IGSF1: variants seen among roughly 807,000 people sequenced by gnomAD.
IGSF1 encodes immunoglobulin-like domain-containing protein 1.
Under a neutral mutation model 95.3 loss-of-function variants are expected in IGSF1, and 40 were observed. The observed-to-expected ratio is 0.42, with a 90% CI of 0.33 to 0.55. IGSF1 has a LOEUF of 0.55. Among genes scored for constraint, IGSF1 ranks in the 20% least tolerant of loss-of-function variants. IGSF1 has a pLI of 0.10. For synonymous variants in IGSF1, 372 were observed against 382.9 expected, an observed-to-expected ratio of 0.97 and a Z score of 0.33; for missense variants, 906 against 1,025.4, an observed-to-expected ratio of 0.88 and a Z score of 1.59.
chrX:131,274,568 C>T, intron 18 of IGSF1, 31 bp downstream of exon 18: 1 of 1,191,544 alleles, frequency 8.4e-7, no homozygotes, highest in Non-Finnish European at 1.1e-6. Context: ...AGGTGTGTCA[C>T]ACCAGGACCA....
chrX:131,286,814 A>G, intron 1 of IGSF1, 73 bp from the exon 2 acceptor site: 1 of 454,333 alleles, frequency 2.2e-6, no homozygotes, highest in African/African-American at 2.5e-5. Context: ...GCTAAATTGC[A>G]CTTGACAACC....
intron 9 of IGSF1, among the ~76,000 whole-genome samples, chrX:131,280,610 G>A (rs2080543912): frequency 8.9e-6 from 1 of 112,044 alleles, no homozygotes; most frequent in Admixed American, 9.4e-5. Flanking sequence ...AGGAGAATCT[G>A]TTTGGCCTGT....
intron 1 of IGSF1, 142 bp downstream of exon 1, chrX:131,289,072 G>T: frequency 3.1e-6 from 1 of 320,644 alleles, no homozygotes; most frequent in Non-Finnish European, 6.1e-6. Context: ...GGAATGAAGC[G>T]GGTGGGGGGA....
chrX:131,282,545 A>G lies in IGSF1; in HGVS notation c.1145T>C (p.Val382Ala), dbSNP rs773364771. ...ATAGATGCCAGTATCACTGTAGGTT[A>G]CATTGTTGAGGAAGAATGATGTGTT... ...DDNTSFFLNN[V>A]TYSDTGIYSC... The change falls in exon 7 of 20, where the codon GTA (valine) becomes GCA (alanine). Residue 382 changes from valine to alanine, a missense_variant. Transcript: ENST00000361420. 7 of 1,207,619 alleles carry G rather than the reference A, an allele frequency of 5.8e-6. No individual in the cohort carries two copies. In the East Asian group the frequency reaches 8.9e-5, roughly 15 times the overall value.
At chrX:131,282,944 C>T (rs1189031149) in intron 6 of IGSF1, 36 bp downstream of exon 6, 6 of 1,120,867 alleles carry the variant, frequency 5.4e-6, no homozygotes, top group Admixed American at 2.2e-5. Context: ...TATCCTTAGC[C>T]GTTAACCTAA....
intron 13 of IGSF1, 143 bp from the exon 14 acceptor site, chrX:131,277,369 A>G (rs1338387159): frequency 1.7e-6 from 1 of 580,103 alleles, no homozygotes; most frequent in Non-Finnish European, 2.6e-6. Context: ...TTTAAAAAGT[A>G]AGGTAAATCC....
intron 11 of IGSF1, 98 bp downstream of exon 11, chrX:131,279,045 C>A (rs1371816754): frequency 8.5e-6 from 8 of 944,205 alleles, no homozygotes; most frequent in Non-Finnish European, 7.6e-6. Context: ...CTGCCCTTCC[C>A]TCCCAACCAG....
intron 9 of IGSF1, among the ~76,000 whole-genome samples, chrX:131,279,556 C>G (rs973075945): frequency 2.7e-5 from 3 of 109,412 alleles, no homozygotes; most frequent in African/African-American, 1.0e-4. Flanking sequence ...CCCACGTGTC[C>G]CCCCCGCCCC....
intron 9 of IGSF1, among the ~76,000 whole-genome samples, chrX:131,279,733 G>T (rs1039930697): frequency 9.0e-6 from 1 of 111,466 alleles, no homozygotes; most frequent in Non-Finnish European, 1.9e-5. Flanking sequence ...TGTGGGGGTG[G>T]AGGGAGAAAC....
chrX:131,282,928 G>GAT (rs1229367447), intron 6 of IGSF1, 52 bp downstream of exon 6: 1 of 1,063,908 alleles, frequency 9.4e-7, no homozygotes. Context: ...CACAGAGGGA[G>GAT]ATTTATATCC....
At chrX:131,278,361 C>A in intron 12 of IGSF1, 100 bp downstream of exon 12, 1 of 861,100 alleles carries the variant, frequency 1.2e-6, no homozygotes, top group Non-Finnish European at 1.6e-6. Flanking sequence ...GCCCCTTGGG[C>A]TCCAGGGTCC....
Position 131,285,959 on chromosome X carries a change from G to A in IGSF1, c.187C>T (p.Arg63Trp), listed in dbSNP as rs751377228. 7.4e-6 allele frequency: 9 copies of A among 1,209,052 alleles called. No individual in the cohort carries two copies. Among genetic ancestry groups the A allele is most frequent in the South Asian group, 1.8e-5 (1 of 56,729 alleles). The change falls in exon 4 of 20, where the codon CGG becomes TGG. Residue 63 changes from arginine (R) to tryptophan (W), a missense_variant. By Grantham distance (101) the Arg-to-Trp change is moderately radical. Around this residue, in one of 5 missense-constraint regions of IGSF1, gnomAD observed 442 missense variants for 448.1 expected, o/e 0.99. Coordinates refer to ENST00000361420, the MANE Select transcript of IGSF1 (RefSeq NM_001555.5). ...AGCAGCAGGAACTTGCTTGATATCCGAGAGGGGCTTCGGCACCAAAGCGTG... is the reference window on the plus strand; with the variant it reads ...AGCAGCAGGAACTTGCTTGATATCCAAGAGGGGCTTCGGCACCAAAGCGTG... ...NITLWCRSPS[R>W]ISSKFLLLKD...
chrX:131,277,416 A>G, intron 13 of IGSF1, 190 bp from the exon 14 acceptor site: 1 of 438,532 alleles, frequency 2.3e-6, no homozygotes, highest in East Asian at 3.8e-5. Flanking sequence ...GGACCCTTCA[A>G]CCCCACCCCT....
chrX:131,274,321 T>G, intron 18 of IGSF1, 115 bp from the exon 19 acceptor site: 4 of 960,837 alleles, frequency 4.2e-6, no homozygotes, highest in Non-Finnish European at 5.8e-6. Flanking sequence ...GGGAGCCATC[T>G]GTTCAGACTA....
chrX:131,287,133 G>GTGTGTATATATATGTGTGTATATATACA lies in IGSF1; in HGVS notation c.-67-393_-67-392insTGTATATATACACACATATATATACACA, dbSNP rs1569408324. ...TGTATATATATGTGTGTATATATAC[G>GTGTGTATATATATGTGTGTATATATACA]TATATATGTGTGTATATATATACGT... On this transcript the variant is annotated intron_variant, in intron 1 of 19. Transcript: ENST00000361420. 3.8e-3 allele frequency among the ~76,000 whole-genome samples: 391 copies of GTGTGTATATATATGTGTGTATATATACA among 102,395 alleles called. 4 individuals are homozygous for GTGTGTATATATATGTGTGTATATATACA. Among genetic ancestry groups the GTGTGTATATATATGTGTGTATATATACA allele is most frequent in the Non-Finnish European group, 6.0e-3 (304 of 51,071 alleles). 88.9% of individuals were successfully genotyped at this position (102,395 alleles called of 115,157 possible). A position where few individuals can be genotyped will look rare whatever the true frequency, so the allele number is the denominator to read the frequency against.
At chrX:131,287,109 G>GTA (rs755701869) in intron 1 of IGSF1, among the ~76,000 whole-genome samples, 52 of 104,523 alleles carry the variant, frequency 5.0e-4, no homozygotes, top group African/African-American at 1.7e-3. Flanking sequence ...GTATATACAT[G>GTA]TATATATATG....
intron 9 of IGSF1, among the ~76,000 whole-genome samples, chrX:131,280,626 T>C (rs2080544332): frequency 8.9e-6 from 1 of 112,045 alleles, no homozygotes; most frequent in South Asian, 3.7e-4. Context: ...CCTGTGAGTT[T>C]GTGAGTCAGA....
rs752687617 is a variant in IGSF1, at chrX:131,285,167, A to G, written c.667+12T>C. 1 of 1,169,269 alleles carries G rather than the reference A, an allele frequency of 8.6e-7. No individual in the cohort carries two copies. Among genetic ancestry groups the G allele is most frequent in the Non-Finnish European group, 1.1e-6 (1 of 872,728 alleles). On this transcript the variant is annotated intron_variant, in intron 5 of 19. Transcript: ENST00000361420. Reference sequence around the variant, plus strand: ...ACAATTGCCAGATGCCAGCAGCCATAGCCACACCCACCTGCTACAACCAGC... The same window carrying G: ...ACAATTGCCAGATGCCAGCAGCCATGGCCACACCCACCTGCTACAACCAGC...
chrX:131,286,550 A>G (rs953578934), intron 2 of IGSF1, 55 bp downstream of exon 2: 4 of 1,168,396 alleles, frequency 3.4e-6, no homozygotes, highest in Non-Finnish European at 3.5e-6. Flanking sequence ...CCCACCCCTA[A>G]TGAGTGGGTA....
Sources: allele counts gnomAD v4.1 joint callset (sites outside exome capture counted in the v4.1 genomes callset), GRCh38; gene constraint gnomAD v4.1.1; regional missense constraint gnomAD v4.1.1; transcripts MANE v1.5; gene names NCBI Gene and HGNC (gene_info 2026-07-23, HGNC 2026-07-21).